Variants in SLC7A5 observed in about 807,000 individuals in gnomAD.
The protein encoded by SLC7A5 is large neutral amino acids transporter small subunit 1.
In SLC7A5, 23 loss-of-function variants were observed where a neutral mutation model predicts 50.2. The observed-to-expected ratio is 0.46, with a 90% CI of 0.33 to 0.65. The LOEUF (loss-of-function observed/expected upper bound fraction) is 0.65. SLC7A5 is among the 30% of genes least tolerant of loss of function. The pLI, the probability that SLC7A5 is intolerant of heterozygous loss-of-function variation, is 0.02. For missense variants in SLC7A5, 578 were observed against 684.4 expected, an observed-to-expected ratio of 0.84 and a Z score of 1.73; for synonymous variants, 393 against 330.6, an observed-to-expected ratio of 1.19 and a Z score of -2.05.
intron 1 of SLC7A5, among the ~76,000 whole-genome samples, chr16:87,855,940 A>G (rs2055312881): frequency 6.6e-6 from 1 of 152,180 alleles, no homozygotes; most frequent in South Asian, 2.1e-4. Context: ...TTGGCCACAG[A>G]GGCTGCTCCC....
intron 1 of SLC7A5, among the ~76,000 whole-genome samples, chr16:87,867,218 C>A (rs114148629): frequency 4.7e-4 from 72 of 152,364 alleles, no homozygotes; most frequent in African/African-American, 1.7e-3. Context: ...TCACACCCAG[C>A]CAACCAGGGG....
rs187863255 is a variant in SLC7A5, at chr16:87,847,979, G to A, written c.664+3745C>T. On this transcript the variant is annotated intron_variant, in intron 2 of 9. Transcript: ENST00000261622. ...GTCACATCCAGGGGTCTCGGCCACC[G>A]GGACCCAGGGCCCAGCAGCTCAGCA... Among the ~76,000 whole-genome samples the A allele has an allele frequency of 3.3e-4, 50 of 152,086 alleles. 2 individuals carry two copies. In the East Asian group the frequency reaches 9.1e-3, roughly 28 times the overall value.
intron 4 of SLC7A5, 31 bp from the exon 5 acceptor site, chr16:87,839,856 A>G (rs375055501): frequency 2.5e-6 from 4 of 1,612,756 alleles, no homozygotes; most frequent in African/African-American, 2.7e-5. Context: ...ATGTCACCCA[A>G]CGCAGCCCGG....
Position 87,841,713 on chromosome 16 carries a change from G to A in SLC7A5, c.665-558C>T, listed in dbSNP as rs1452447567. Among the ~76,000 whole-genome samples the A allele has an allele frequency of 5.3e-5, 8 of 152,192 alleles. No individual in the cohort carries two copies. Among genetic ancestry groups the A allele is most frequent in the Non-Finnish European group, 1.0e-4 (7 of 68,028 alleles). On this transcript the variant is annotated intron_variant, in intron 2 of 9. Transcript: ENST00000261622. The surrounding 1 kb of genome is among the most constrained non-coding windows in gnomAD (Gnocchi z 4.8). ...TGAGTGTGTGGCCAGCTGCAGCCGGGGCAGGGGCAGGAGCAGGGCTGCCAG... is the reference window on the plus strand; with the variant it reads ...TGAGTGTGTGGCCAGCTGCAGCCGGAGCAGGGGCAGGAGCAGGGCTGCCAG...
chr16:87,868,115 CAAAAA>C (rs11372656), intron 1 of SLC7A5, among the ~76,000 whole-genome samples: 2 of 80,362 alleles, frequency 2.5e-5, no homozygotes, highest in African/African-American at 5.0e-5. Context: ...GACTCAGTGT[CAAAAA>C]AAAAAAAAAA....
At chr16:87,867,053 G>A (rs1156912292) in intron 1 of SLC7A5, among the ~76,000 whole-genome samples, 1 of 151,726 alleles carries the variant, frequency 6.6e-6, no homozygotes, top group African/African-American at 2.4e-5. Context: ...ATAAGCAGCT[G>A]GGATTACAGG....
rs778420933 is a variant in SLC7A5 at position 87,869,281 on chromosome 16, G to A, written c.142C>T (p.Arg48Trp). Residue 48 changes from arginine (R) to tryptophan (W), a missense_variant, in exon 1 of 10, where the codon CGG becomes TGG. Coordinates refer to ENST00000261622, the MANE Select transcript of SLC7A5 (RefSeq NM_003486.7). Reference sequence around the variant, plus strand: ...ACGCCGTTGAGCAGCGTGATGTTCCGCTGCAGGGTCACGCCCTCGCCCTCG... The same window carrying A: ...ACGCCGTTGAGCAGCGTGATGTTCCACTGCAGGGTCACGCCCTCGCCCTCG... ...AGEGEGVTLQ[R>W]NITLLNGVAI... The A allele has an allele frequency of 6.2e-7, 1 of 1,612,176 alleles. No individual in the cohort carries two copies. The highest frequency in any genetic ancestry group is 8.5e-7 in the Non-Finnish European group (1 of 1,179,822).
At position 87,868,991 on chromosome 16, in the gene SLC7A5, C is replaced by A. The variant is rs753975330; in HGVS notation, c.432G>T (p.Ser144=). 12 of 1,611,480 alleles carry A rather than the reference C, an allele frequency of 7.4e-6. No individual in the cohort carries two copies. The highest frequency in any genetic ancestry group is 1.3e-5 in the African/African-American group (1 of 74,864). The change falls in exon 1 of 10, where the codon TCG becomes TCT. Residue 144 remains serine, a synonymous_variant. Coordinates refer to ENST00000261622, the MANE Select transcript of SLC7A5 (RefSeq NM_003486.7). ...WIELLIIRPS[S]QYIVALVFAT... ...CGAAGACCAGGGCCACGATGTACTG[C>A]GATGAAGGCCGGATGATGAGCAGCT...
rs1432694125 is a variant in SLC7A5 at position 87,860,407 on chromosome 16, T to G, written c.538+8478A>C. On this transcript the variant is annotated intron_variant, in intron 1 of 9. Transcript: ENST00000261622. The surrounding 1 kb of genome is among the most constrained non-coding windows in gnomAD (Gnocchi z 4.8). ...ACACACACACACACACACATATATA[T>G]ATAAAGAAAAAGGAAATCTTCGAAC... Among the ~76,000 whole-genome samples, 1 of 120,598 alleles carries G rather than the reference T, an allele frequency of 8.3e-6. No homozygotes were observed. The allele number at this position is 120,598 out of a possible 152,430, so 79.1% of individuals were successfully genotyped here.
At chr16:87,840,975 G>T in intron 3 of SLC7A5, 75 bp downstream of exon 3, 1 of 1,019,058 alleles carries the variant, frequency 9.8e-7, no homozygotes, top group Non-Finnish European at 1.6e-6. Context: ...TTGATGGCTG[G>T]GAGATTTGGG....
At chr16:87,857,874 G>A (rs759313340) in intron 1 of SLC7A5, among the ~76,000 whole-genome samples, 16 of 152,204 alleles carry the variant, frequency 1.1e-4, no homozygotes, top group African/African-American at 1.7e-4. Context: ...TGGCTGGCAC[G>A]GGGGAGGAGG....
intron 1 of SLC7A5, among the ~76,000 whole-genome samples, chr16:87,855,930 T>C (rs1045005462): frequency 2.8e-4 from 43 of 152,200 alleles, no homozygotes; most frequent in Admixed American, 6.5e-5. Context: ...ATCCTCTCTG[T>C]TGGCCACAGA....
chr16:87,855,240 C>A (rs2055301271), intron 1 of SLC7A5, among the ~76,000 whole-genome samples: 1 of 152,170 alleles, frequency 6.6e-6, no homozygotes, highest in Admixed American at 6.5e-5. Flanking sequence ...GGGGAGGTTG[C>A]CACCACCCAG....
intron 2 of SLC7A5, among the ~76,000 whole-genome samples, chr16:87,843,232 C>T (rs572690056): frequency 4.0e-5 from 6 of 151,682 alleles, no homozygotes; most frequent in East Asian, 2.0e-4. Flanking sequence ...GACAGAAAGG[C>T]GGCTGATCCT....
In SLC7A5 at chr16:87,833,676, G is replaced by A. The variant is rs1231049515; in HGVS notation, c.1469-651C>T. 2.6e-5 allele frequency among the ~76,000 whole-genome samples: 4 copies of A among 152,188 alleles called. No homozygotes were observed. The highest frequency in any genetic ancestry group is 2.1e-4 in the South Asian group (1 of 4,810). On this transcript the variant is annotated intron_variant, in intron 9 of 9. Coordinates refer to ENST00000261622, the MANE Select transcript of SLC7A5 (RefSeq NM_003486.7). The surrounding 1 kb of genome is among the most constrained non-coding windows in gnomAD (Gnocchi z 6.0). ...TCCCTGCCTGTGTTGCTGCCATCCC[G>A]GGAATTCTCCAAGCCACCCAGTGAC...
chr16:87,868,057 G>A (rs8061472), intron 1 of SLC7A5, among the ~76,000 whole-genome samples: 62,206 of 149,546 alleles, frequency 0.42, 13,729 homozygotes, highest in African/African-American at 0.55. Context: ...GCGGGCTTGC[G>A]GTGAGCCGAG....
At chr16:87,851,895 C>G (rs1337849991) in intron 1 of SLC7A5, 46 bp from the exon 2 acceptor site, 1 of 1,611,266 alleles carries the variant, frequency 6.2e-7, no homozygotes, top group Non-Finnish European at 8.5e-7. Context: ...CAGACAGACG[C>G]CAGCTCAGGG....
chr16:87,840,358 T>C (rs1345343671), intron 4 of SLC7A5, 71 bp downstream of exon 4: 5 of 1,349,328 alleles, frequency 3.7e-6, no homozygotes, highest in Non-Finnish European at 3.2e-6. Context: ...AGGCTTCGAG[T>C]GGAATGTGGC....
chr16:87,866,503 T>C lies in SLC7A5; in HGVS notation c.538+2382A>G, dbSNP rs541935299. On this transcript the variant is annotated intron_variant, in intron 1 of 9. Coordinates refer to ENST00000261622, the MANE Select transcript of SLC7A5 (RefSeq NM_003486.7). ...TTTTTTGAGATGGAGTTTCGCCTTGTTGCCCAGGCTGGAGTGCAGTGGTGC... is the reference window on the plus strand; with the variant it reads ...TTTTTTGAGATGGAGTTTCGCCTTGCTGCCCAGGCTGGAGTGCAGTGGTGC... 1.9e-3 allele frequency among the ~76,000 whole-genome samples: 284 copies of C among 152,174 alleles called. 1 individual carries two copies. The highest frequency in any genetic ancestry group is 6.5e-3 in the African/African-American group (271 of 41,496).
Sources: allele counts gnomAD v4.1 joint callset (sites outside exome capture counted in the v4.1 genomes callset), GRCh38; gene constraint gnomAD v4.1.1; non-coding constraint Gnocchi (gnomAD v3.1); transcripts MANE v1.5; gene names NCBI Gene and HGNC (gene_info 2026-07-23, HGNC 2026-07-21).